The following KIAA1217 variants were observed in gnomAD, a reference collection of about 807,000 sequenced individuals.
KIAA1217 encodes the protein sickle tail protein homolog.
A neutral mutation model predicts 163.9 loss-of-function variants in KIAA1217; 88 were observed. That is an observed-to-expected ratio of 0.54 (90% CI 0.45 to 0.64). The LOEUF is 0.64. KIAA1217 is among the 30% of genes least tolerant of loss of function. The probability of loss-of-function intolerance (pLI) is 0.00; values close to 1 mark genes in which losing one functional copy is unlikely to be tolerated. For synonymous variants in KIAA1217, 903 were observed against 923.1 expected, an observed-to-expected ratio of 0.98 and a Z score of 0.39; for missense variants, 2,372 against 2,475.0, an observed-to-expected ratio of 0.96 and a Z score of 0.88.
intron 2 of KIAA1217, among the ~76,000 whole-genome samples, chr10:24,101,161 A>C (rs1172119119): frequency 6.6e-6 from 1 of 152,244 alleles, no homozygotes; most frequent in African/African-American, 2.4e-5. Flanking sequence ...AAAAGGAGTC[A>C]AGGTCAAAAT....
At chr10:23,725,515 A>G (rs942043750) in intron 1 of KIAA1217, among the ~76,000 whole-genome samples, 5 of 152,216 alleles carry the variant, frequency 3.3e-5, no homozygotes, top group Non-Finnish European at 5.9e-5. Context: ...TATTTTCCTG[A>G]GGGTAACATT....
chr10:23,731,430 C>T (rs1356274560), intron 1 of KIAA1217, among the ~76,000 whole-genome samples: 2 of 152,188 alleles, frequency 1.3e-5, no homozygotes, highest in African/African-American at 4.8e-5. Context: ...AATACCTGTA[C>T]TACCCATTCT....
intron 1 of KIAA1217, among the ~76,000 whole-genome samples, chr10:23,936,153 T>A (rs757824407): frequency 3.9e-5 from 6 of 152,158 alleles, no homozygotes; most frequent in Non-Finnish European, 7.3e-5. Flanking sequence ...CAGTAAATTA[T>A]CTGGCTACAG....
intron 2 of KIAA1217, among the ~76,000 whole-genome samples, chr10:24,241,081 A>T (rs1316956040): frequency 1.3e-5 from 2 of 152,122 alleles, no homozygotes; most frequent in African/African-American, 4.8e-5. Flanking sequence ...TCCTGGGCTC[A>T]AGTGATCTAC....
chr10:24,428,040 G>T (rs2059309485), intron 3 of KIAA1217, among the ~76,000 whole-genome samples: 1 of 150,568 alleles, frequency 6.6e-6, no homozygotes, highest in Non-Finnish European at 1.5e-5. Context: ...GGTAACTATA[G>T]TTTAGGCCCA....
At chr10:23,856,450 C>T (rs1039406665) in intron 1 of KIAA1217, among the ~76,000 whole-genome samples, 4 of 152,318 alleles carry the variant, frequency 2.6e-5, no homozygotes, top group African/African-American at 4.8e-5. Context: ...TTAGGCTGCT[C>T]GGGGGTCAGG....
At chr10:24,480,206 A>G (rs1317691877) in intron 6 of KIAA1217, among the ~76,000 whole-genome samples, 1 of 152,238 alleles carries the variant, frequency 6.6e-6, no homozygotes, top group Non-Finnish European at 1.5e-5. Flanking sequence ...ACGTTGCTCT[A>G]AAGGAAATTT....
chr10:23,711,870 A>G (rs972335861), intron 1 of KIAA1217, among the ~76,000 whole-genome samples: 5 of 152,186 alleles, frequency 3.3e-5, no homozygotes, highest in Non-Finnish European at 7.4e-5. Context: ...CAACCCTTGA[A>G]GGATGGGAAA....
At chr10:23,698,504 C>A (rs1309467808) in intron 1 of KIAA1217, among the ~76,000 whole-genome samples, 1 of 152,086 alleles carries the variant, frequency 6.6e-6, no homozygotes, top group African/African-American at 2.4e-5. Context: ...TGAAATTTGG[C>A]AAGAAGCACA....
intron 2 of KIAA1217, among the ~76,000 whole-genome samples, chr10:24,102,915 G>C (rs138712771): frequency 6.6e-6 from 1 of 152,114 alleles, no homozygotes; most frequent in Non-Finnish European, 1.5e-5. Flanking sequence ...GGTTTTTCCC[G>C]TACTGTGCTC....
At chr10:24,440,644 C>G (rs1482859838) in intron 5 of KIAA1217, among the ~76,000 whole-genome samples, 1 of 152,180 alleles carries the variant, frequency 6.6e-6, no homozygotes, top group Non-Finnish European at 1.5e-5. Flanking sequence ...TCTGTTCTTA[C>G]TTCAAGATGA....
chr10:24,444,903 T>G (rs1388914965), intron 5 of KIAA1217, among the ~76,000 whole-genome samples: 1 of 152,204 alleles, frequency 6.6e-6, no homozygotes, highest in Non-Finnish European at 1.5e-5. Flanking sequence ...CTCTTTTTAA[T>G]TTTCCTACTT....
intron 3 of KIAA1217, among the ~76,000 whole-genome samples, chr10:24,404,518 G>T (rs753949441): frequency 1.8e-4 from 22 of 123,238 alleles, no homozygotes; most frequent in Non-Finnish European, 2.7e-4. Flanking sequence ...AGTGAGCTGA[G>T]ATCACACCAC....
At chr10:23,987,451 T>C (rs2131428121) in intron 1 of KIAA1217, among the ~76,000 whole-genome samples, 1 of 151,746 alleles carries the variant, frequency 6.6e-6, no homozygotes, top group East Asian at 1.9e-4. Context: ...TTTAAAAATA[T>C]GGTACTTATG....
intron 2 of KIAA1217, among the ~76,000 whole-genome samples, chr10:24,040,485 T>A: frequency 6.6e-6 from 1 of 152,208 alleles, no homozygotes; most frequent in East Asian, 1.9e-4. Context: ...AAAGATAATT[T>A]GGAGAAATGA....
chr10:23,837,149 AT>A (rs1173178899), intron 1 of KIAA1217, among the ~76,000 whole-genome samples: 1 of 152,156 alleles, frequency 6.6e-6, no homozygotes, highest in Admixed American at 6.6e-5. Context: ...GCTTAATATA[AT>A]GGCTTCCAGG....
At position 23,790,372 on chromosome 10, in the gene KIAA1217, C is replaced by T. The variant is rs1484614925; in HGVS notation, c.-321+95138C>T. On this transcript the variant is annotated intron_variant, in intron 1 of 18. Transcript: ENST00000376462. ...ATGCATATATGCATATATACATATA[C>T]ATATGTATATATACATATGTATATA... Among the ~76,000 whole-genome samples the T allele has an allele frequency of 6.4e-4, 48 of 75,152 alleles. 4 individuals carry two copies. Among genetic ancestry groups the T allele is most frequent in the Admixed American group, 1.2e-3 (8 of 6,562 alleles). The allele number at this position is 75,152 out of a possible 152,430, so 49.3% of individuals were successfully genotyped here.
At chr10:24,373,335 T>C (rs926162930) in intron 2 of KIAA1217, among the ~76,000 whole-genome samples, 8 of 152,156 alleles carry the variant, frequency 5.3e-5, no homozygotes, top group African/African-American at 1.9e-4. Flanking sequence ...CCCCTCTTCC[T>C]GCGCAATTAG....
chr10:23,972,635 C>A (rs1481960853), intron 1 of KIAA1217, among the ~76,000 whole-genome samples: 1 of 151,792 alleles, frequency 6.6e-6, no homozygotes, highest in South Asian at 2.1e-4. Flanking sequence ...TCTCTTTGAA[C>A]CAACCCAAAG....
Sources: gnomAD v4.1 joint callset for allele counts (sites outside exome capture counted in the v4.1 genomes callset) on GRCh38, gnomAD v4.1.1 for gene constraint, MANE v1.5 for transcripts, NCBI Gene and HGNC (gene_info 2026-07-23, HGNC 2026-07-21) for gene names.